PRKG2: variants seen among roughly 807,000 people sequenced by gnomAD.
The protein encoded by PRKG2 is cGMP-dependent protein kinase 2.
PRKG2 carries 33 observed loss-of-function variants against 97.2 expected under a neutral mutation model. The ratio of observed to expected loss-of-function variants is 0.34; its 90% CI spans 0.26 to 0.45. PRKG2 has a LOEUF of 0.45. Ranked by LOEUF, PRKG2 falls within the 20% of genes least tolerant of loss-of-function variation. The probability of loss-of-function intolerance (pLI) is 1.00; values close to 1 mark genes in which losing one functional copy is unlikely to be tolerated. For synonymous variants in PRKG2, 330 were observed against 321.8 expected (o/e 1.03, Z -0.27); for missense variants, 638 against 900.0 (o/e 0.71, Z 3.73).
At chr4:81,090,895 C>T (rs1741467126) in intron 18 of PRKG2, among the ~76,000 whole-genome samples, 1 of 152,134 alleles carries the variant, frequency 6.6e-6, no homozygotes, top group Non-Finnish European at 1.5e-5. Flanking sequence ...TCCATAGATA[C>T]ATGAAATAAT....
At chr4:81,113,031 C>T (rs1278445623) in intron 14 of PRKG2, among the ~76,000 whole-genome samples, 1 of 152,088 alleles carries the variant, frequency 6.6e-6, no homozygotes, top group Non-Finnish European at 1.5e-5. Flanking sequence ...CTGTAAGCAT[C>T]CGAGCGGCAG....
chr4:81,117,431 C>T (rs1744656825), intron 14 of PRKG2, among the ~76,000 whole-genome samples: 1 of 152,126 alleles, frequency 6.6e-6, no homozygotes, highest in Admixed American at 6.6e-5. Flanking sequence ...ACTTATACCA[C>T]TGACTTTTGA....
At chr4:81,160,740 T>C (rs770571004) in intron 6 of PRKG2, among the ~76,000 whole-genome samples, 2 of 152,198 alleles carry the variant, frequency 1.3e-5, no homozygotes, top group African/African-American at 2.4e-5. Flanking sequence ...TCTTAAATTA[T>C]TGCATATTTC....
At position 81,091,189 on chromosome 4, in the gene PRKG2, TTA is replaced by T. The variant is rs1315008658; in HGVS notation, c.2193+1195_2193+1196del. On this transcript the variant is annotated intron_variant, in intron 18 of 18. Transcript: ENST00000264399. Reference sequence around the variant, plus strand: ...GTGATACAATATTTCTGCCCAAACTTTATAAGTGGCAGATAGGTATTAAATCT... The same window carrying T: ...GTGATACAATATTTCTGCCCAAACTTTAAGTGGCAGATAGGTATTAAATCT... 1.6e-4 allele frequency among the ~76,000 whole-genome samples: 25 copies of T among 152,270 alleles called. No homozygotes were observed. In the South Asian group the frequency reaches 2.5e-3, roughly 15 times the overall value.
At chr4:81,144,084 T>C in intron 10 of PRKG2, 148 bp downstream of exon 10, 1 of 619,482 alleles carries the variant, frequency 1.6e-6, no homozygotes, top group Admixed American at 2.9e-5. Flanking sequence ...GTTGTCTTTG[T>C]GGAAGAACAA....
At chr4:81,131,883 ATT>A (rs1746214690) in intron 14 of PRKG2, among the ~76,000 whole-genome samples, 1 of 151,974 alleles carries the variant, frequency 6.6e-6, no homozygotes, top group Non-Finnish European at 1.5e-5. Context: ...ACATTCTTTA[ATT>A]TTGTTCTTTT....
At chr4:81,176,803 G>A (rs141414146) in intron 2 of PRKG2, among the ~76,000 whole-genome samples, 1 of 151,208 alleles carries the variant, frequency 6.6e-6, no homozygotes, top group Non-Finnish European at 1.5e-5. Flanking sequence ...TCTTTCTTTT[G>A]GTTCTTCATT....
At chr4:81,129,164 C>T (rs1274596264) in intron 14 of PRKG2, among the ~76,000 whole-genome samples, 1 of 151,938 alleles carries the variant, frequency 6.6e-6, no homozygotes, top group South Asian at 2.1e-4. Flanking sequence ...ATTTGATTGC[C>T]CTGTTGTCTG....
At chr4:81,185,530 AT>A (rs1751802012) in intron 2 of PRKG2, among the ~76,000 whole-genome samples, 1 of 152,206 alleles carries the variant, frequency 6.6e-6, no homozygotes. Flanking sequence ...AACATACCAA[AT>A]TGTAAAGACC....
intron 13 of PRKG2, among the ~76,000 whole-genome samples, 162 bp downstream of exon 13, chr4:81,137,231 G>A (rs1024108897): frequency 6.6e-6 from 1 of 152,106 alleles, no homozygotes; most frequent in Non-Finnish European, 1.5e-5. Flanking sequence ...GTGGTGTTAC[G>A]GCACTATTGT....
At chr4:81,210,313 C>T (rs979619014) in intron 1 of PRKG2, among the ~76,000 whole-genome samples, 1 of 151,534 alleles carries the variant, frequency 6.6e-6, no homozygotes, top group Non-Finnish European at 1.5e-5. Flanking sequence ...ACTGAGAGAA[C>T]GTACTTCTAA....
rs539771372 is a variant in PRKG2, at chr4:81,153,921, G to C, written c.913-200C>G. ...GTCAGTGGGTGCGCGCACCGTGCGC[G>C]AGCCGAAGCAGGGCGAGGCATTGCC... On this transcript the variant is annotated intron_variant, in intron 6 of 18. Transcript: ENST00000264399. 1.1e-4 allele frequency among the ~76,000 whole-genome samples: 17 copies of C among 152,272 alleles called. 1 individual carries two copies. The South Asian group carries it at 2.3e-3, about 20-fold the overall frequency.
chr4:81,191,788 C>T (rs1752545548), intron 2 of PRKG2, among the ~76,000 whole-genome samples: 2 of 152,102 alleles, frequency 1.3e-5, no homozygotes, highest in Admixed American at 6.6e-5. Flanking sequence ...GACACTGAGA[C>T]ACCACAAAAT....
At chr4:81,120,811 T>G (rs1445098600) in intron 14 of PRKG2, among the ~76,000 whole-genome samples, 1 of 152,206 alleles carries the variant, frequency 6.6e-6, no homozygotes, top group Non-Finnish European at 1.5e-5. Flanking sequence ...CTGCATTAAC[T>G]AGGACTTCCA....
intron 1 of PRKG2, among the ~76,000 whole-genome samples, chr4:81,209,074 T>C (rs183921832): frequency 3.9e-5 from 6 of 152,160 alleles, no homozygotes; most frequent in African/African-American, 1.4e-4. Context: ...GAATGAGTAG[T>C]GGCATTTCGC....
intron 14 of PRKG2, among the ~76,000 whole-genome samples, chr4:81,131,466 A>C (rs955312785): frequency 2.6e-5 from 4 of 152,218 alleles, no homozygotes; most frequent in African/African-American, 9.6e-5. Flanking sequence ...TGACCATTTT[A>C]AAAAATTGAT....
At chr4:81,180,522 T>C (rs1347939594) in intron 2 of PRKG2, among the ~76,000 whole-genome samples, 2 of 152,180 alleles carry the variant, frequency 1.3e-5, no homozygotes, top group African/African-American at 4.8e-5. Context: ...ATAAAAAACA[T>C]ATTTCTAGAA....
chr4:81,199,722 G>C (rs899879308), intron 2 of PRKG2, among the ~76,000 whole-genome samples: 4 of 152,158 alleles, frequency 2.6e-5, no homozygotes, highest in Non-Finnish European at 5.9e-5. Flanking sequence ...AACATGTTCT[G>C]TAGTGCACAT....
chr4:81,154,065 TA>T (rs11302868), intron 6 of PRKG2: 63,120 of 177,382 alleles, frequency 0.36, 17,450 homozygotes, highest in African/African-American at 0.78. Flanking sequence ...GGGACGGCCT[TA>T]AAAAAACGGC....
Sources: gnomAD v4.1 joint callset for allele counts (sites outside exome capture counted in the v4.1 genomes callset) on GRCh38, gnomAD v4.1.1 for gene constraint, MANE v1.5 for transcripts, NCBI Gene and HGNC (gene_info 2026-07-23, HGNC 2026-07-21) for gene names.